Variants in PIK3IP1 observed in about 807,000 individuals in gnomAD.
PIK3IP1 encodes the protein phosphoinositide-3-kinase interacting protein 1.
In PIK3IP1, 28 loss-of-function variants were observed where a neutral mutation model predicts 30.7. The ratio of observed to expected loss-of-function variants is 0.91; its 90% CI spans 0.68 to 1.25. The LOEUF (loss-of-function observed/expected upper bound fraction) is 1.25, where lower values mean the gene tolerates loss of function less well. PIK3IP1 is among the 50% of genes most tolerant of loss of function. The pLI is 0.00. For missense variants in PIK3IP1, 333 were observed against 346.2 expected, an observed-to-expected ratio of 0.96 and a Z score of 0.30; for synonymous variants, 159 against 140.8, an observed-to-expected ratio of 1.13 and a Z score of -0.91.
intron 3 of PIK3IP1, 113 bp from the exon 4 acceptor site, chr22:31,289,812 C>T (rs1387123584): frequency 2.0e-5 from 23 of 1,155,842 alleles, no homozygotes; most frequent in Non-Finnish European, 2.6e-5. Context: ...AGAATTTCCC[C>T]CCACACACAA....
chr22:31,291,198 C>A lies in PIK3IP1; in HGVS notation c.169G>T (p.Ala57Ser), dbSNP rs369493112. ...LNWLDAQSGL[A>S]SAPVSGAGNH... ...CACTTACCCGACACGGGGGCCGAGG[C>A]CAGCCCGCTCTGCGCGTCCAGCCAG... Residue 57 changes from alanine (A) to serine (S), a missense_variant, in exon 2 of 6, where the codon GCC (alanine) becomes TCC (serine). Around this residue, in one of 3 missense-constraint regions of PIK3IP1, gnomAD observed 111 missense variants for 100.1 expected, o/e 1.11. Transcript: ENST00000215912. 1 of 1,548,454 alleles carries A rather than the reference C, an allele frequency of 6.5e-7. No homozygotes were observed. The highest frequency in any genetic ancestry group is 8.7e-7 in the Non-Finnish European group (1 of 1,146,184).
Position 31,283,105 on chromosome 22 carries a change from C to T in PIK3IP1, c.771G>A (p.Gln257=). 3 of 1,607,130 alleles carry T rather than the reference C, an allele frequency of 1.9e-6. No individual in the cohort carries two copies. Among genetic ancestry groups the T allele is most frequent in the Non-Finnish European group, 2.5e-6 (3 of 1,176,890 alleles). Residue 257 remains glutamine (Q), a synonymous_variant, in exon 6 of 6, where the codon CAG becomes CAA. Coordinates refer to ENST00000215912, the MANE Select transcript of PIK3IP1 (RefSeq NM_052880.5). ...PQEGTTPLMG[Q]AGTPGA is the part of the protein sequence containing the mutation. The stretch of plus-strand genomic sequence containing the variant: ...GGGCTCAGGCCCCAGGAGTCCCGGC[C>T]TGGCCCATAAGGGGGGTGGTGCCCT...
At chr22:31,292,237 C>G in intron 1 of PIK3IP1, 38 bp downstream of exon 1, 1 of 1,600,912 alleles carries the variant, frequency 6.2e-7, no homozygotes, top group South Asian at 1.1e-5. Flanking sequence ...CCTTCTGTTT[C>G]ATGAAGTTGC....
intron 5 of PIK3IP1, among the ~76,000 whole-genome samples, chr22:31,284,590 C>T (rs1423996489): frequency 6.6e-6 from 1 of 152,100 alleles, no homozygotes; most frequent in Admixed American, 6.5e-5. Context: ...GCAGCCTAGC[C>T]CCTTCTCACT....
upstream of PIK3IP1, chr22:31,292,504 A>T: frequency 1.6e-6 from 1 of 614,216 alleles, no homozygotes; most frequent in Non-Finnish European, 2.9e-6. Context: ...CTTCCCAGCT[A>T]GCTTGCTGCA....
chr22:31,287,343 T>G (rs1459014350), intron 5 of PIK3IP1, among the ~76,000 whole-genome samples: 1 of 141,536 alleles, frequency 7.1e-6, no homozygotes. Flanking sequence ...TTTTTTTTTT[T>G]TTTTTGAGAC....
At chr22:31,289,133 G>A (rs1223981983) in intron 5 of PIK3IP1, 182 bp downstream of exon 5, 5 of 642,010 alleles carry the variant, frequency 7.8e-6, no homozygotes, top group African/African-American at 3.7e-5. Context: ...TTTTAAGTGA[G>A]GTGTAAAGGC....
chr22:31,283,389 T>C (rs773902854), intron 5 of PIK3IP1, 101 bp from the exon 6 acceptor site: 58 of 1,264,732 alleles, frequency 4.6e-5, no homozygotes, highest in Middle Eastern at 1.9e-4. Context: ...CAGCTTGCCA[T>C]TGTCACAACA....
chr22:31,286,530 G>A (rs1186289703), intron 5 of PIK3IP1, among the ~76,000 whole-genome samples: 1 of 152,198 alleles, frequency 6.6e-6, no homozygotes, highest in Non-Finnish European at 1.5e-5. Context: ...GGTCGTTAGT[G>A]ACGGGGAGTC....
chr22:31,281,960 C>G lies in PIK3IP1; in HGVS notation c.*1124G>C, dbSNP rs536756666. ...AGAAATGTTGCGCTCCGTCAGGAAGCTGGGCTCTTGCCATGCCAGTAGCTT... is the reference window on the plus strand; with the variant it reads ...AGAAATGTTGCGCTCCGTCAGGAAGGTGGGCTCTTGCCATGCCAGTAGCTT... On this transcript the variant is annotated 3_prime_UTR_variant, in exon 6 of 6. Coordinates refer to ENST00000215912, the MANE Select transcript of PIK3IP1 (RefSeq NM_052880.5). 2 of 152,530 alleles carry G rather than the reference C, an allele frequency of 1.3e-5. No individual in the cohort carries two copies. The highest frequency in any genetic ancestry group is 1.9e-4 in the East Asian group (1 of 5,182). The allele number at this position is 152,530 out of a possible 1,614,324, so 9.4% of individuals were successfully genotyped here.
Position 31,292,472 on chromosome 22 carries a change from A to G in PIK3IP1, c.-128T>C. On this transcript the variant is annotated 5_prime_UTR_variant, in exon 1 of 6. Coordinates refer to ENST00000215912, the MANE Select transcript of PIK3IP1 (RefSeq NM_052880.5). ...CCCTTGTTATGCTGTTCTGGTAAAC[A>G]GCCTCTCTTTAGAACTGGGAGCTTC... 1 of 736,702 alleles carries G rather than the reference A, an allele frequency of 1.4e-6. No individual in the cohort carries two copies. Among genetic ancestry groups the G allele is most frequent in the Non-Finnish European group, 2.4e-6 (1 of 423,742 alleles). The allele number at this position is 736,702 out of a possible 1,614,324, so 45.6% of individuals were successfully genotyped here.
At chr22:31,285,210 G>A (rs73881366) in intron 5 of PIK3IP1, among the ~76,000 whole-genome samples, 22 of 152,274 alleles carry the variant, frequency 1.4e-4, no homozygotes, top group African/African-American at 5.1e-4. Flanking sequence ...TGCTGCTCAG[G>A]AAAAGTTCCC....
At chr22:31,292,177 G>T in intron 1 of PIK3IP1, 98 bp downstream of exon 1, 2 of 1,219,192 alleles carry the variant, frequency 1.6e-6, no homozygotes, top group Non-Finnish European at 1.2e-6. Flanking sequence ...CCGGCTAAAC[G>T]CTTCGTTTCC....
Position 31,283,206 on chromosome 22 carries a change from T to G in PIK3IP1, c.670A>C (p.Thr224Pro), listed in dbSNP as rs1347644010. Reference sequence around the variant, plus strand: ...TCCACAATCTCACAGGTGGGGTTGGTGAAGGCAGACAAGGGCAGAGTGATT... The same window carrying G: ...TCCACAATCTCACAGGTGGGGTTGGGGAAGGCAGACAAGGGCAGAGTGATT... Reference protein sequence around the residue: ...QRITLPLSAFTNPTCEIVDEK... With the variant: ...QRITLPLSAFPNPTCEIVDEK... The change falls in exon 6 of 6, where the codon ACC becomes CCC. Residue 224 changes from threonine to proline, a missense_variant. Thr to Pro is a conservative substitution (Grantham distance 38). This residue lies in a region of PIK3IP1 where 217 missense variants were observed against 227.7 expected (regional missense o/e 0.95). Transcript: ENST00000215912. The G allele has an allele frequency of 2.5e-6, 4 of 1,614,080 alleles. No individual in the cohort carries two copies. In the African/African-American group the frequency reaches 5.3e-5, roughly 22 times the overall value.
At chr22:31,292,137 G>A in intron 1 of PIK3IP1, 138 bp downstream of exon 1, 1 of 757,384 alleles carries the variant, frequency 1.3e-6, no homozygotes, top group Admixed American at 2.6e-5. Flanking sequence ...GGAAAGGAGG[G>A]GTGGAAAAGC....
chr22:31,288,212 A>G (rs989598900), intron 5 of PIK3IP1, among the ~76,000 whole-genome samples: 10 of 152,048 alleles, frequency 6.6e-5, no homozygotes, highest in Non-Finnish European at 1.2e-4. Flanking sequence ...CCCTGTCTCT[A>G]TAAAAAAATT....
intron 3 of PIK3IP1, 187 bp downstream of exon 3, chr22:31,290,778 T>A (rs1292792965): frequency 2.4e-6 from 2 of 820,982 alleles, no homozygotes; most frequent in Non-Finnish European, 3.5e-6. Context: ...GCGGATGAGC[T>A]CATACGAGTG....
chr22:31,285,018 G>C (rs1426724179), intron 5 of PIK3IP1, among the ~76,000 whole-genome samples: 1 of 152,226 alleles, frequency 6.6e-6, no homozygotes, highest in Non-Finnish European at 1.5e-5. Flanking sequence ...TCCAAGGCCA[G>C]GGTGGGACTG....
chr22:31,282,309 A>C lies in PIK3IP1; in HGVS notation c.*775T>G, dbSNP rs2123882618. The C allele has an allele frequency of 6.5e-6, 1 of 152,704 alleles. No individual in the cohort carries two copies. Among genetic ancestry groups the C allele is most frequent in the South Asian group, 2.1e-4 (1 of 4,824 alleles). 9.5% of individuals were successfully genotyped at this position (152,704 alleles called of 1,614,324 possible). Reference sequence around the variant, plus strand: ...ACTCTCTTACCTGTGCAAAATGAAGACAGGTCACTATCCATCCCTGAAGAG... The same window carrying C: ...ACTCTCTTACCTGTGCAAAATGAAGCCAGGTCACTATCCATCCCTGAAGAG... On this transcript the variant is annotated 3_prime_UTR_variant, in exon 6 of 6. Transcript: ENST00000215912.
Sources: allele counts gnomAD v4.1 joint callset (sites outside exome capture counted in the v4.1 genomes callset), GRCh38; gene constraint gnomAD v4.1.1; regional missense constraint gnomAD v4.1.1; transcripts MANE v1.5; gene names NCBI Gene and HGNC (gene_info 2026-07-23, HGNC 2026-07-21).